The following CSGALNACT1 variants were observed in gnomAD, a reference collection of about 807,000 sequenced individuals.
The protein encoded by CSGALNACT1 is chondroitin sulfate N-acetylgalactosaminyltransferase 1.
A neutral mutation model predicts 51.0 loss-of-function variants in CSGALNACT1; 52 were observed. The ratio of observed to expected loss-of-function variants is 1.02; its 90% confidence interval spans 0.82 to 1.29. The LOEUF (loss-of-function observed/expected upper bound fraction) is 1.29, where lower values mean the gene tolerates loss of function less well. CSGALNACT1 is among the 50% of genes most tolerant of loss of function. The pLI, the probability that CSGALNACT1 is intolerant of heterozygous loss-of-function variation, is 0.00. For synonymous variants in CSGALNACT1, 341 were observed against 254.4 expected, an observed-to-expected ratio of 1.34 and a Z score of -3.24; for missense variants, 935 against 679.2, an observed-to-expected ratio of 1.38 and a Z score of -4.19.
At chr8:19,599,529 G>GAAAGAAAGAAAGAA (rs2049915582) in intron 2 of CSGALNACT1, among the ~76,000 whole-genome samples, 1 of 121,502 alleles carries the variant, frequency 8.2e-6, no homozygotes, top group African/African-American at 3.0e-5. Flanking sequence ...AGAAAGAAAA[G>GAAAGAAAGAAAGAA]AAAGAAAAAG....
At chr8:19,658,977 A>C (rs1198323351) in intron 1 of CSGALNACT1, among the ~76,000 whole-genome samples, 1 of 152,200 alleles carries the variant, frequency 6.6e-6, no homozygotes, top group African/African-American at 2.4e-5. Context: ...TGGAGCTGTG[A>C]ATAACCAGCT....
intron 3 of CSGALNACT1, among the ~76,000 whole-genome samples, chr8:19,559,560 T>C (rs1446631016): frequency 6.6e-6 from 1 of 152,138 alleles, no homozygotes; most frequent in African/African-American, 2.4e-5. Context: ...TGATATGATA[T>C]CCAAATACAT....
chr8:19,454,392 C>T (rs2063712877), intron 5 of CSGALNACT1, among the ~76,000 whole-genome samples: 1 of 152,180 alleles, frequency 6.6e-6, no homozygotes, highest in South Asian at 2.1e-4. Flanking sequence ...CAGATTGCAG[C>T]CAGGCACGTG....
At chr8:19,741,927 A>C (rs540735881) in intron 1 of CSGALNACT1, among the ~76,000 whole-genome samples, 1 of 152,330 alleles carries the variant, frequency 6.6e-6, no homozygotes, top group Admixed American at 6.5e-5. Flanking sequence ...AAGTGATAAA[A>C]AGCAACAGAC....
chr8:19,527,643 G>C (rs2081968670), intron 3 of CSGALNACT1, among the ~76,000 whole-genome samples: 1 of 152,312 alleles, frequency 6.6e-6, no homozygotes, highest in Admixed American at 6.5e-5. Flanking sequence ...CTTTCTGGTA[G>C]AAGTAACTGA....
intron 1 of CSGALNACT1, among the ~76,000 whole-genome samples, chr8:19,636,493 T>C (rs925048992): frequency 6.6e-6 from 1 of 152,196 alleles, no homozygotes; most frequent in Non-Finnish European, 1.5e-5. Context: ...CTTTATATAA[T>C]TGGAGTCACT....
chr8:19,666,789 A>AGAGAG lies in CSGALNACT1; in HGVS notation c.-544+15683_-544+15684insCTCTC, dbSNP rs1564382826. Among the ~76,000 whole-genome samples, 34 of 21,482 alleles carry AGAGAG rather than the reference A, an allele frequency of 1.6e-3. 2 individuals are homozygous for AGAGAG. The highest frequency in any genetic ancestry group is 7.3e-3 in the African/African-American group (32 of 4,390). 14.1% of individuals were successfully genotyped at this position (21,482 alleles called of 152,430 possible). On this transcript the variant is annotated intron_variant, in intron 1 of 9. Coordinates refer to the CSGALNACT1 transcript ENST00000332246. ...AAAGAAAGAAAGAAAGAAAGAAAGA[A>AGAGAG]AGAAAGAAAGAAAGAAAGAAAGAGA...
intron 1 of CSGALNACT1, among the ~76,000 whole-genome samples, chr8:19,628,243 G>T (rs111407775): frequency 6.6e-6 from 1 of 152,180 alleles, no homozygotes. Context: ...CACATGGCTG[G>T]GGAGGCCTCA....
At chr8:19,588,510 G>A (rs757177046) in intron 3 of CSGALNACT1, among the ~76,000 whole-genome samples, 3 of 152,138 alleles carry the variant, frequency 2.0e-5, no homozygotes, top group East Asian at 1.9e-4. Flanking sequence ...AATATCACTC[G>A]TGAGCATTGC....
At chr8:19,691,361 G>C (rs559222709) in intron 1 of CSGALNACT1, among the ~76,000 whole-genome samples, 3 of 152,152 alleles carry the variant, frequency 2.0e-5, no homozygotes, top group Non-Finnish European at 4.4e-5. Context: ...GCCAACCTCA[G>C]CTACCAGGGT....
At chr8:19,583,141 A>G (rs1772928305) in intron 3 of CSGALNACT1, among the ~76,000 whole-genome samples, 2 of 152,194 alleles carry the variant, frequency 1.3e-5, no homozygotes, top group Admixed American at 1.3e-4. Context: ...ATCCTCGTAT[A>G]TTATGTATCC....
At chr8:19,422,649 T>G (rs140092845) in intron 6 of CSGALNACT1, among the ~76,000 whole-genome samples, 2 of 152,358 alleles carry the variant, frequency 1.3e-5, no homozygotes, top group East Asian at 3.9e-4. Flanking sequence ...ACCTTTTCAG[T>G]ATTAGGTATG....
chr8:19,463,617 A>G (rs535056469), intron 4 of CSGALNACT1, among the ~76,000 whole-genome samples: 2 of 152,300 alleles, frequency 1.3e-5, no homozygotes, highest in South Asian at 4.1e-4. Context: ...CCCCACAAAC[A>G]TCTTCCTTGT....
chr8:19,646,625 C>A (rs371740162), intron 1 of CSGALNACT1, among the ~76,000 whole-genome samples: 5 of 152,244 alleles, frequency 3.3e-5, no homozygotes, highest in Admixed American at 6.5e-5. Flanking sequence ...ACCTTTAGTA[C>A]AAGAAAGCCC....
chr8:19,647,025 T>G (rs2154180933), intron 1 of CSGALNACT1, among the ~76,000 whole-genome samples: 1 of 152,170 alleles, frequency 6.6e-6, no homozygotes, highest in African/African-American at 2.4e-5. Flanking sequence ...TGGCTCAGCT[T>G]ACCACCGAGC....
At chr8:19,667,327 C>T (rs1439405356) in intron 1 of CSGALNACT1, among the ~76,000 whole-genome samples, 2 of 151,492 alleles carry the variant, frequency 1.3e-5, no homozygotes, top group Non-Finnish European at 2.9e-5. Flanking sequence ...TCCAGCTACT[C>T]AGGAGGCTGA....
In CSGALNACT1 at chr8:19,438,863, C is replaced by T. The variant is rs959029350; in HGVS notation, c.953+967G>A. 4.6e-5 allele frequency among the ~76,000 whole-genome samples: 7 copies of T among 152,188 alleles called. No individual in the cohort carries two copies. The East Asian group carries it at 1.3e-3, about 29-fold the overall frequency. On this transcript the variant is annotated intron_variant, in intron 6 of 9. Coordinates refer to ENST00000454498, the Ensembl canonical transcript of CSGALNACT1. ...CATTAATACAAAACTAGTAACAAAG[C>T]ATAAAAATAAAAAGTACACTCAGTC...
intron 1 of CSGALNACT1, among the ~76,000 whole-genome samples, chr8:19,613,669 T>C (rs2052609493): frequency 6.6e-6 from 1 of 152,230 alleles, no homozygotes; most frequent in Non-Finnish European, 1.5e-5. Flanking sequence ...ATCTGAAAAG[T>C]AGGGTTAACA....
At chr8:19,670,771 A>G (rs1285472043) in intron 1 of CSGALNACT1, among the ~76,000 whole-genome samples, 2 of 151,874 alleles carry the variant, frequency 1.3e-5, no homozygotes, top group East Asian at 1.9e-4. Context: ...AAGCATTTCT[A>G]TGGTTTCTGT....
Sources: gnomAD v4.1 joint callset for allele counts (sites outside exome capture counted in the v4.1 genomes callset) on GRCh38, gnomAD v4.1.1 for gene constraint, MANE v1.5 for transcripts, NCBI Gene and HGNC (gene_info 2026-07-23, HGNC 2026-07-21) for gene names.